UBE2F: variants seen among roughly 807,000 people sequenced by gnomAD.
UBE2F encodes the protein NEDD8-conjugating enzyme UBE2F.
A neutral mutation model predicts 29.6 loss-of-function variants in UBE2F; 5 were observed. The ratio of observed to expected loss-of-function variants is 0.17; its 90% CI spans 0.09 to 0.36. The LOEUF is 0.36. Among genes scored for constraint, UBE2F ranks in the 10% least tolerant of loss-of-function variants. The probability of loss-of-function intolerance (pLI) is 1.00; values close to 1 mark genes in which losing one functional copy is unlikely to be tolerated. For missense variants in UBE2F, 141 were observed against 228.5 expected, an observed-to-expected ratio of 0.62 and a Z score of 2.47; for synonymous variants, 66 against 81.8, an observed-to-expected ratio of 0.81 and a Z score of 1.04.
At position 238,041,441 on chromosome 2, in the gene UBE2F, C is replaced by T; in HGVS notation, c.*103C>T. 8.4e-7 allele frequency: 1 copy of T among 1,197,274 alleles called. No homozygotes were observed. The highest frequency in any genetic ancestry group is 1.2e-6 in the Non-Finnish European group (1 of 814,076). The allele number at this position is 1,197,274 out of a possible 1,614,324, so 74.2% of individuals were successfully genotyped here. A position where few individuals can be genotyped will look rare whatever the true frequency, so the allele number is the denominator to read the frequency against. On this transcript the variant is annotated 3_prime_UTR_variant, in exon 10 of 10. Coordinates refer to ENST00000272930, the MANE Select transcript of UBE2F (RefSeq NM_080678.3). ...TCCCGTCCTCATGCTCCCTCTCAGT[C>T]CCCTGGATTGCCCCAGTCCTGTGAC... is the stretch of plus-strand genomic sequence containing the variant.
Position 238,041,626 on chromosome 2 carries a change from T to C in UBE2F, c.*288T>C. 1 of 278,292 alleles carries C rather than the reference T, an allele frequency of 3.6e-6. No individual in the cohort carries two copies. 17.2% of individuals were successfully genotyped at this position (278,292 alleles called of 1,614,324 possible). On this transcript the variant is annotated 3_prime_UTR_variant, in exon 10 of 10. Coordinates refer to ENST00000272930, the MANE Select transcript of UBE2F (RefSeq NM_080678.3). ...TGTACTGTATAGGCTGTTGGTGAAATTCTTAAGAAGTTGTAATGAACTCAA... is the reference window on the plus strand; with the variant it reads ...TGTACTGTATAGGCTGTTGGTGAAACTCTTAAGAAGTTGTAATGAACTCAA...
chr2:237,971,157 A>T (rs2106320117), intron 1 of UBE2F, among the ~76,000 whole-genome samples: 1 of 152,306 alleles, frequency 6.6e-6, no homozygotes, highest in Non-Finnish European at 1.5e-5. Context: ...TTCTTATTTG[A>T]CTTTCAGGAT....
intron 1 of UBE2F, among the ~76,000 whole-genome samples, chr2:237,972,724 T>A (rs964501235): frequency 3.3e-5 from 5 of 151,922 alleles, no homozygotes; most frequent in East Asian, 1.9e-4. Context: ...CTAATTTTTT[T>A]ATATTTTTTG....
chr2:237,972,586 T>G (rs1351820347), intron 1 of UBE2F, among the ~76,000 whole-genome samples: 3 of 146,348 alleles, frequency 2.0e-5, no homozygotes, highest in African/African-American at 7.6e-5. Flanking sequence ...GGTCTTGCCG[T>G]GTCACACAGG....
intron 1 of UBE2F, among the ~76,000 whole-genome samples, chr2:237,971,574 G>A (rs1007589395): frequency 6.6e-5 from 10 of 152,144 alleles, no homozygotes; most frequent in Admixed American, 4.6e-4. Flanking sequence ...CACCTGTCTC[G>A]TTCCCCTAAA....
At chr2:238,021,485 C>A (rs1286679255) in intron 5 of UBE2F, among the ~76,000 whole-genome samples, 2 of 152,220 alleles carry the variant, frequency 1.3e-5, no homozygotes, top group Non-Finnish European at 2.9e-5. Flanking sequence ...ATTCCACATA[C>A]CAATGGGGCG....
intron 3 of UBE2F, among the ~76,000 whole-genome samples, chr2:237,989,676 A>T (rs962522457): frequency 2.0e-5 from 3 of 151,954 alleles, no homozygotes; most frequent in African/African-American, 7.3e-5. Flanking sequence ...CAGCATATAG[A>T]ATTTATGGGT....
chr2:238,002,016 A>G (rs1287513557), intron 4 of UBE2F, among the ~76,000 whole-genome samples: 1 of 150,770 alleles, frequency 6.6e-6, no homozygotes, highest in Admixed American at 6.6e-5. Context: ...AGAGCTTTGG[A>G]GCTTTAGGAG....
At chr2:237,981,382 A>G (rs1303547635) in intron 2 of UBE2F, among the ~76,000 whole-genome samples, 1 of 151,998 alleles carries the variant, frequency 6.6e-6, no homozygotes, top group Admixed American at 6.6e-5. Flanking sequence ...TGCCTGGCTT[A>G]TTTTCTGCCC....
intron 4 of UBE2F, among the ~76,000 whole-genome samples, chr2:238,010,563 A>G (rs1480589903): frequency 1.3e-5 from 2 of 152,174 alleles, no homozygotes; most frequent in East Asian, 3.8e-4. Context: ...TTATTTGTAC[A>G]GGCTCCTGCT....
intron 2 of UBE2F, among the ~76,000 whole-genome samples, chr2:237,980,946 T>C (rs980696812): frequency 1.3e-5 from 2 of 152,194 alleles, no homozygotes; most frequent in African/African-American, 4.8e-5. Context: ...AGGTGGATTT[T>C]GCAATCTGAT....
intron 4 of UBE2F, among the ~76,000 whole-genome samples, chr2:238,016,058 G>A (rs984144231): frequency 1.3e-5 from 2 of 152,206 alleles, no homozygotes; most frequent in Non-Finnish European, 2.9e-5. Context: ...AATCACTGAG[G>A]CAGTGATTCT....
Position 237,967,069 on chromosome 2 carries a change from C to G in UBE2F, c.-80C>G. Reference sequence around the variant, plus strand: ...GGCTGTGAGGGGCCGCGTCTCGCAGCAGCCGCCCGGACCGGGCATGGTGTT... The same window carrying G: ...GGCTGTGAGGGGCCGCGTCTCGCAGGAGCCGCCCGGACCGGGCATGGTGTT... On this transcript the variant is annotated 5_prime_UTR_variant, in exon 1 of 10. Coordinates refer to ENST00000272930, the MANE Select transcript of UBE2F (RefSeq NM_080678.3). The surrounding 1 kb of genome is among the most constrained non-coding windows in gnomAD (Gnocchi z 6.3). 2 of 1,327,010 alleles carry G rather than the reference C, an allele frequency of 1.5e-6. No homozygotes were observed. Among genetic ancestry groups the G allele is most frequent in the Non-Finnish European group, 1.9e-6 (2 of 1,037,422 alleles). 82.2% of individuals were successfully genotyped at this position (1,327,010 alleles called of 1,614,324 possible).
intron 6 of UBE2F, among the ~76,000 whole-genome samples, chr2:238,025,819 C>T (rs537963416): frequency 6.6e-6 from 1 of 152,274 alleles, no homozygotes; most frequent in East Asian, 1.9e-4. Context: ...AGGCTTGAGA[C>T]GACCTTGGGC....
intron 8 of UBE2F, chr2:238,035,576 C>T (rs1218983302): frequency 4.1e-6 from 1 of 245,016 alleles, no homozygotes; most frequent in Admixed American, 5.4e-5. Flanking sequence ...CTCCAGTTAT[C>T]ACAAATAGCA....
intron 8 of UBE2F, among the ~76,000 whole-genome samples, chr2:238,034,200 G>A (rs10193991): frequency 0.024 from 3,632 of 151,984 alleles, 141 homozygotes; most frequent in African/African-American, 0.083. Flanking sequence ...GCTGAGGCCA[G>A]CAGATCACCT....
Position 238,040,138 on chromosome 2 carries a change from G to A in UBE2F, c.508-1150G>A, listed in dbSNP as rs886305453. ...TGAGACCAGAGCAAGTCATGGGACC[G>A]TATCCATAGCTTCAAATTGGGAACT... On this transcript the variant is annotated intron_variant, in intron 9 of 9. Coordinates refer to ENST00000272930, the MANE Select transcript of UBE2F (RefSeq NM_080678.3). The surrounding 1 kb of genome is among the most constrained non-coding windows in gnomAD (Gnocchi z 4.4). Among the ~76,000 whole-genome samples, 3 of 152,188 alleles carry A rather than the reference G, an allele frequency of 2.0e-5. No homozygotes were observed. Among genetic ancestry groups the A allele is most frequent in the Admixed American group, 6.5e-5 (1 of 15,282 alleles).
chr2:237,981,501 G>A (rs2063374093), intron 2 of UBE2F, among the ~76,000 whole-genome samples: 1 of 151,992 alleles, frequency 6.6e-6, no homozygotes, highest in Non-Finnish European at 1.5e-5. Flanking sequence ...TGTGACTGTG[G>A]TGGGATCATT....
intron 5 of UBE2F, among the ~76,000 whole-genome samples, chr2:238,016,950 C>A (rs2064169446): frequency 6.6e-6 from 1 of 152,168 alleles, no homozygotes; most frequent in Non-Finnish European, 1.5e-5. Flanking sequence ...TAGTTTTGTT[C>A]ATGATATAAC....
Sources: gnomAD v4.1 joint callset for allele counts (sites outside exome capture counted in the v4.1 genomes callset) on GRCh38, gnomAD v4.1.1 for gene constraint, Gnocchi (gnomAD v3.1) non-coding constraint, MANE v1.5 for transcripts, NCBI Gene and HGNC (gene_info 2026-07-23, HGNC 2026-07-21) for gene names.